Variants in NT5C2 observed in about 807,000 individuals in gnomAD.
The protein encoded by NT5C2 is cytosolic purine 5'-nucleotidase.
Under a neutral mutation model 76.1 loss-of-function variants are expected in NT5C2, and 58 were observed. That is an observed-to-expected ratio of 0.76 (90% CI 0.62 to 0.95). NT5C2 has a LOEUF of 0.95. Ranked by LOEUF, NT5C2 falls within the 40% of genes least tolerant of loss-of-function variation. NT5C2 has a pLI of 0.00. For synonymous variants in NT5C2, 229 were observed against 237.4 expected (o/e 0.96, Z 0.32); for missense variants, 478 against 690.3 (o/e 0.69, Z 3.45).
intron 4 of NT5C2, among the ~76,000 whole-genome samples, chr10:103,128,780 C>A (rs1451239750): frequency 4.5e-5 from 2 of 43,966 alleles, no homozygotes; most frequent in African/African-American, 1.9e-4. Flanking sequence ...AGGTGAGGAG[C>A]GTCTCTGCCC....
chr10:103,094,185 G>T, intron 13 of NT5C2, 147 bp from the exon 14 acceptor site: 1 of 763,396 alleles, frequency 1.3e-6, no homozygotes, highest in South Asian at 1.7e-5. Context: ...CAATTAGTGG[G>T]TTTGTTTGAC....
chr10:103,146,010 G>A, intron 3 of NT5C2: 1 of 962,970 alleles, frequency 1.0e-6, no homozygotes, highest in Non-Finnish European at 1.2e-6. Context: ...GCTTTAACTT[G>A]TAATTCAAAG....
At chr10:103,179,380 G>A (rs371875833) in intron 2 of NT5C2, among the ~76,000 whole-genome samples, 1 of 152,224 alleles carries the variant, frequency 6.6e-6, no homozygotes. Context: ...ACTGTAGGTA[G>A]GAAAACCATG....
chr10:103,140,969 A>G (rs2080304479), intron 3 of NT5C2, among the ~76,000 whole-genome samples: 1 of 152,114 alleles, frequency 6.6e-6, no homozygotes. Flanking sequence ...CCCAATCCAT[A>G]GGCTGCCTTT....
chr10:103,109,833 G>A (rs1371117069), intron 4 of NT5C2, among the ~76,000 whole-genome samples: 2 of 152,108 alleles, frequency 1.3e-5, no homozygotes, highest in Non-Finnish European at 2.9e-5. Context: ...AATTTTCAGT[G>A]AAAAACAATA....
intron 3 of NT5C2, among the ~76,000 whole-genome samples, chr10:103,155,826 T>A (rs1020870012): frequency 2.0e-5 from 3 of 152,156 alleles, no homozygotes; most frequent in African/African-American, 7.2e-5. Flanking sequence ...GCATGCTCGA[T>A]GTGATATCAC....
intron 4 of NT5C2, among the ~76,000 whole-genome samples, chr10:103,122,609 C>A (rs1304524340): frequency 1.3e-5 from 2 of 152,176 alleles, no homozygotes; most frequent in Non-Finnish European, 2.9e-5. Flanking sequence ...TTTGAGAAAA[C>A]AGCAGAAGCA....
At chr10:103,183,585 A>G (rs10786743) in intron 1 of NT5C2, among the ~76,000 whole-genome samples, 59,281 of 143,664 alleles carry the variant, frequency 0.41, 12,291 homozygotes, top group East Asian at 0.56. Context: ...GCACCATCTC[A>G]GCTCACTGCA....
chr10:103,114,264 AC>A (rs1815076567), intron 4 of NT5C2, among the ~76,000 whole-genome samples: 1 of 152,002 alleles, frequency 6.6e-6, no homozygotes, highest in Non-Finnish European at 1.5e-5. Context: ...AAATACAACA[AC>A]AAAAAAAATT....
intron 3 of NT5C2, among the ~76,000 whole-genome samples, chr10:103,149,050 G>A (rs556794076): frequency 9.2e-5 from 14 of 152,218 alleles, no homozygotes; most frequent in East Asian, 1.9e-4. Flanking sequence ...TTTGTACTGC[G>A]TCCAGGGAGG....
At chr10:103,116,399 T>C (rs975068917) in intron 4 of NT5C2, among the ~76,000 whole-genome samples, 1 of 152,150 alleles carries the variant, frequency 6.6e-6, no homozygotes, top group Non-Finnish European at 1.5e-5. Context: ...ATAGCAGAAG[T>C]GTACACAAGT....
At chr10:103,186,236 CAGGT>C (rs2091995176) in intron 1 of NT5C2, among the ~76,000 whole-genome samples, 1 of 152,156 alleles carries the variant, frequency 6.6e-6, no homozygotes, top group Admixed American at 6.5e-5. Flanking sequence ...CATTGCAAAA[CAGGT>C]AGAGTTGGAA....
intron 3 of NT5C2, chr10:103,146,133 T>C (rs2081436599): frequency 1.0e-6 from 1 of 985,384 alleles, no homozygotes; most frequent in Non-Finnish European, 1.2e-6. Flanking sequence ...TAGTATAGTT[T>C]TTTTGTGACT....
intron 3 of NT5C2, among the ~76,000 whole-genome samples, chr10:103,160,029 C>CTG: frequency 6.6e-6 from 1 of 152,096 alleles, no homozygotes; most frequent in Non-Finnish European, 1.5e-5. Flanking sequence ...AGACTGTGTG[C>CTG]TACTGGCATA....
intron 18 of NT5C2, 113 bp downstream of exon 18, chr10:103,090,498 G>T: frequency 1.1e-6 from 1 of 926,106 alleles, no homozygotes; most frequent in Non-Finnish European, 1.6e-6. Flanking sequence ...CTGCCCCTGG[G>T]CTCTGTACAT....
At chr10:103,090,451 A>G (rs139647699) in intron 18 of NT5C2, among the ~76,000 whole-genome samples, 160 bp downstream of exon 18, 169 of 152,306 alleles carry the variant, frequency 1.1e-3, no homozygotes, top group African/African-American at 3.9e-3. Flanking sequence ...TGTTGGTTCT[A>G]CTTTCTCAAA....
Position 103,098,922 on chromosome 10 carries a change from ATT to A in NT5C2, c.687+7_687+8del. ...ATTATGCAGATCTATTTTCCCCTAT[ATT>A]ACTTACATCTTTGACTACATACTTC... On this transcript the variant is annotated splice_region_variant and intron_variant, in intron 10 of 18. Coordinates refer to ENST00000404739, the MANE Select transcript of NT5C2 (RefSeq NM_001351169.2). 6.3e-7 allele frequency: 1 copy of A among 1,586,904 alleles called. No individual in the cohort carries two copies. Among genetic ancestry groups the A allele is most frequent in the Non-Finnish European group, 8.6e-7 (1 of 1,156,962 alleles).
chr10:103,184,031 C>T (rs1190318669), intron 1 of NT5C2, among the ~76,000 whole-genome samples: 1 of 151,652 alleles, frequency 6.6e-6, no homozygotes, highest in Non-Finnish European at 1.5e-5. Flanking sequence ...CGGCTCAATG[C>T]AACCTCCGCC....
chr10:103,137,501 G>A lies in NT5C2; in HGVS notation c.175+1905C>T, dbSNP rs2079522238. On this transcript the variant is annotated intron_variant, in intron 4 of 18. Coordinates refer to ENST00000404739, the MANE Select transcript of NT5C2 (RefSeq NM_001351169.2). ...CAAGTACTCCCGTAATTTCGTGTTT[G>A]AACACGTATTATTCATTCACATTTG... is the stretch of plus-strand genomic sequence containing the variant. 2.0e-5 allele frequency among the ~76,000 whole-genome samples: 3 copies of A among 152,186 alleles called. No homozygotes were observed. The South Asian group carries it at 6.2e-4, about 31-fold the overall frequency.
Sources: gnomAD v4.1 joint callset for allele counts (sites outside exome capture counted in the v4.1 genomes callset) on GRCh38, gnomAD v4.1.1 for gene constraint, MANE v1.5 for transcripts, NCBI Gene and HGNC (gene_info 2026-07-23, HGNC 2026-07-21) for gene names.